PAQR7: variants seen among roughly 807,000 people sequenced by gnomAD.
PAQR7 encodes membrane progestin receptor alpha.
In PAQR7, 14 loss-of-function variants were observed where a neutral mutation model predicts 24.6. That is an observed-to-expected ratio of 0.57 (90% CI 0.38 to 0.89). The LOEUF is 0.89. Among genes scored for constraint, PAQR7 ranks in the 40% least tolerant of loss-of-function variants. PAQR7 has a pLI of 0.00. For missense variants in PAQR7, 351 were observed against 444.0 expected (o/e 0.79, Z 1.88); for synonymous variants, 189 against 198.8 (o/e 0.95, Z 0.42).
chr1:25,875,627 G>T lies in PAQR7; in HGVS notation c.-248C>A, dbSNP rs1318504557. On this transcript the variant is annotated 5_prime_UTR_variant, in exon 1 of 3. Transcript: ENST00000675840. The surrounding 1 kb of genome is among the most constrained non-coding windows in gnomAD (Gnocchi z 5.4). ...GCGCTCTGGCTACAGCCGCCTCCGC[G>T]GGCCCAGGCGACGCCGAGCGCCCCG... Among the ~76,000 whole-genome samples, 5 of 150,736 alleles carry T rather than the reference G, an allele frequency of 3.3e-5. No individual in the cohort carries two copies. Among genetic ancestry groups the T allele is most frequent in the Non-Finnish European group, 7.4e-5 (5 of 67,614 alleles).
chr1:25,864,927 C>T (rs144514287), intron 2 of PAQR7, among the ~76,000 whole-genome samples: 2,911 of 152,018 alleles, frequency 0.019, 91 homozygotes, highest in African/African-American at 0.062. Flanking sequence ...GAGGCTGAGA[C>T]GGGCGGATCA....
chr1:25,862,843 G>GGA lies in PAQR7; in HGVS notation c.995_996dup (p.Leu333SerfsTer2), dbSNP rs1217823817. 1.2e-5 allele frequency: 20 copies of GGA among 1,614,064 alleles called. No homozygotes were observed. Among genetic ancestry groups the GGA allele is most frequent in the Non-Finnish European group, 1.6e-5 (19 of 1,180,046 alleles). On this transcript the variant is annotated frameshift_variant, in exon 3 of 3. Coordinates refer to ENST00000675840, the MANE Select transcript of PAQR7 (RefSeq NM_178422.6). LOFTEE classifies it high-confidence loss of function. ...AGTTTGCGCTGTACCAGCTGGCTCA[G>GGA]GAGGAATGCAGTGAGGATGCTGCTG...
At chr1:25,867,954 AT>A (rs1178693638) in intron 2 of PAQR7, among the ~76,000 whole-genome samples, 1 of 152,230 alleles carries the variant, frequency 6.6e-6, no homozygotes, top group Non-Finnish European at 1.5e-5. Context: ...CACAGGGCAG[AT>A]TTAGGAAGCA....
intron 2 of PAQR7, among the ~76,000 whole-genome samples, chr1:25,867,198 A>C (rs2048564326): frequency 6.7e-6 from 1 of 149,782 alleles, no homozygotes; most frequent in Admixed American, 6.7e-5. Flanking sequence ...TGATTTTTTA[A>C]ATTTATTTTT....
chr1:25,874,038 C>T (rs1162230936), intron 1 of PAQR7, among the ~76,000 whole-genome samples: 1 of 152,142 alleles, frequency 6.6e-6, no homozygotes, highest in Admixed American at 6.5e-5. Flanking sequence ...CATGCACCAC[C>T]ACACCCGGCT....
intron 1 of PAQR7, among the ~76,000 whole-genome samples, chr1:25,874,412 A>G (rs11800831): frequency 8.3e-4 from 127 of 152,308 alleles, no homozygotes; most frequent in African/African-American, 3.0e-3. Context: ...AGGAGGGGGA[A>G]TCTCTTAGGC....
intron 2 of PAQR7, among the ~76,000 whole-genome samples, chr1:25,867,303 G>A (rs2048565367): frequency 6.6e-6 from 1 of 152,134 alleles, no homozygotes; most frequent in Non-Finnish European, 1.5e-5. Context: ...CCAAAGTGCT[G>A]GGATTACAAA....
rs374935715 is a variant in PAQR7 at position 25,865,384 on chromosome 1, G to C, written c.-22-1523C>G. Among the ~76,000 whole-genome samples, 30 of 152,064 alleles carry C rather than the reference G, an allele frequency of 2.0e-4. 1 individual carries two copies. The South Asian group carries it at 6.2e-3, about 32-fold the overall frequency. On this transcript the variant is annotated intron_variant, in intron 2 of 2. Transcript: ENST00000675840. The stretch of plus-strand genomic sequence containing the variant: ...GGCACTCAATGTTTGCTGAATGAAA[G>C]AACAACATGACCGGGCGCAGTGGCT...
At chr1:25,874,071 T>C (rs2124203634) in intron 1 of PAQR7, among the ~76,000 whole-genome samples, 1 of 152,126 alleles carries the variant, frequency 6.6e-6, no homozygotes, top group East Asian at 1.9e-4. Flanking sequence ...TTAGTAGAGA[T>C]GGGGTTTCTC....
chr1:25,872,239 G>A (rs1414161041), intron 1 of PAQR7, among the ~76,000 whole-genome samples: 3 of 152,122 alleles, frequency 2.0e-5, no homozygotes, highest in Non-Finnish European at 4.4e-5. Context: ...CCGTTTCTGT[G>A]GGATTCTCGT....
Position 25,863,355 on chromosome 1 carries a change from A to ATAGCATAG in PAQR7, c.477_484dup (p.Ile162ThrfsTer175), listed in dbSNP as rs2048528234. 6.2e-7 allele frequency: 1 copy of ATAGCATAG among 1,614,082 alleles called. No homozygotes were observed. The highest frequency in any genetic ancestry group is 1.3e-5 in the African/African-American group (1 of 74,940). On this transcript the variant is annotated frameshift_variant, in exon 3 of 3. Coordinates refer to ENST00000675840, the MANE Select transcript of PAQR7 (RefSeq NM_178422.6). LOFTEE classifies it high-confidence loss of function. The surrounding 1 kb of genome is among the most constrained non-coding windows in gnomAD (Gnocchi z 6.1). The stretch of plus-strand genomic sequence containing the variant: ...CACCTGGGCATGCCAGGCGGGCTCG[A>ATAGCATAG]TAGCATAGTAGAAGTGTGCCAAGGC...
chr1:25,873,193 T>C (rs2048618988), intron 1 of PAQR7, among the ~76,000 whole-genome samples: 2 of 152,214 alleles, frequency 1.3e-5, no homozygotes, highest in African/African-American at 4.8e-5. Context: ...CCAAGAACTT[T>C]CACACACATT....
At chr1:25,867,652 T>G (rs2048568364) in intron 2 of PAQR7, among the ~76,000 whole-genome samples, 1 of 152,198 alleles carries the variant, frequency 6.6e-6, no homozygotes, top group Non-Finnish European at 1.5e-5. Flanking sequence ...CTGCCCCCAG[T>G]GGCACTGTGA....
chr1:25,864,605 C>G (rs2048541575), intron 2 of PAQR7, among the ~76,000 whole-genome samples: 1 of 152,182 alleles, frequency 6.6e-6, no homozygotes, highest in African/African-American at 2.4e-5. Context: ...CTCCTGTAAT[C>G]CCAGCACTTT....
chr1:25,865,605 C>G (rs1009189770), intron 2 of PAQR7, among the ~76,000 whole-genome samples: 1 of 152,012 alleles, frequency 6.6e-6, no homozygotes, highest in African/African-American at 2.4e-5. Context: ...GTCAGGAGAT[C>G]GAGACCATCC....
chr1:25,865,981 C>T (rs112826714), intron 2 of PAQR7, among the ~76,000 whole-genome samples: 2,799 of 145,794 alleles, frequency 0.019, 85 homozygotes, highest in African/African-American at 0.066. Flanking sequence ...AGGGAAACTC[C>T]GTCTCAAAAA....
At chr1:25,870,418 G>A (rs1431300546) in intron 2 of PAQR7, among the ~76,000 whole-genome samples, 191 bp downstream of exon 2, 1 of 152,122 alleles carries the variant, frequency 6.6e-6, no homozygotes, top group African/African-American at 2.4e-5. Flanking sequence ...CTTGTGTGAT[G>A]TCACCAGAGG....
intron 1 of PAQR7, among the ~76,000 whole-genome samples, chr1:25,874,807 A>G (rs968612836): frequency 1.3e-5 from 2 of 151,906 alleles, no homozygotes; most frequent in African/African-American, 4.8e-5. Flanking sequence ...CCCTTCCCTC[A>G]CTGTGTGTGG....
rs2048510471 is a variant in PAQR7, at chr1:25,861,545, CCA to C, written c.*1252_*1253del. ...TAATCCAGACCACCCAGCCCCAACC[CCA>C]CTTTTCCTTCCACACCTCTTGGTCT... On this transcript the variant is annotated 3_prime_UTR_variant, in exon 3 of 3. Coordinates refer to ENST00000675840, the MANE Select transcript of PAQR7 (RefSeq NM_178422.6). 6.6e-6 allele frequency: 1 copy of C among 152,362 alleles called. No individual in the cohort carries two copies. The highest frequency in any genetic ancestry group is 2.1e-4 in the South Asian group (1 of 4,828). The allele number at this position is 152,362 out of a possible 1,614,324, so 9.4% of individuals were successfully genotyped here.
Sources: allele counts gnomAD v4.1 joint callset (sites outside exome capture counted in the v4.1 genomes callset), GRCh38; gene constraint gnomAD v4.1.1; non-coding constraint Gnocchi (gnomAD v3.1); transcripts MANE v1.5; gene names NCBI Gene and HGNC (gene_info 2026-07-23, HGNC 2026-07-21).